The following ZNF704 variants were observed in gnomAD, a reference collection of about 807,000 sequenced individuals.
ZNF704 encodes the protein glucocorticoid induced gene 1.
A neutral mutation model predicts 44.7 loss-of-function variants in ZNF704; 10 were observed. That is an observed-to-expected ratio of 0.22 (90% CI 0.14 to 0.38). ZNF704 has a LOEUF of 0.38. Ranked by LOEUF, ZNF704 falls within the 10% of genes least tolerant of loss-of-function variation. The probability of loss-of-function intolerance (pLI) is 1.00; values close to 1 mark genes in which losing one functional copy is unlikely to be tolerated. For missense variants in ZNF704, 390 were observed against 545.5 expected, an observed-to-expected ratio of 0.71 and a Z score of 2.84; for synonymous variants, 211 against 207.6, an observed-to-expected ratio of 1.02 and a Z score of -0.14.
intron 2 of ZNF704, among the ~76,000 whole-genome samples, chr8:80,721,046 C>T (rs533484761): frequency 2.6e-5 from 4 of 152,176 alleles, no homozygotes; most frequent in Non-Finnish European, 4.4e-5. Flanking sequence ...CTTATCTCAC[C>T]GTACTTTGAT....
chr8:80,687,033 G>GTC (rs1332292489), intron 4 of ZNF704, among the ~76,000 whole-genome samples, 193 bp downstream of exon 4: 1 of 152,164 alleles, frequency 6.6e-6, no homozygotes, highest in Non-Finnish European at 1.5e-5. Context: ...AAACTTACCA[G>GTC]TATTTGTCAT....
intron 2 of ZNF704, 29 bp downstream of exon 2, chr8:80,821,345 G>T: frequency 6.2e-7 from 1 of 1,604,452 alleles, no homozygotes; most frequent in Non-Finnish European, 8.5e-7. Flanking sequence ...TCCTGGGGCA[G>T]ACACATGTGA....
intron 4 of ZNF704, among the ~76,000 whole-genome samples, chr8:80,680,741 C>T (rs1298047574): frequency 1.3e-5 from 2 of 152,106 alleles, no homozygotes; most frequent in Non-Finnish European, 2.9e-5. Flanking sequence ...TACATGTTGC[C>T]TTACCTTTTG....
chr8:80,854,524 A>G (rs1487433313), intron 1 of ZNF704, among the ~76,000 whole-genome samples: 1 of 152,240 alleles, frequency 6.6e-6, no homozygotes, highest in Admixed American at 6.5e-5. Context: ...AAGACTTGTA[A>G]GATAGCAACA....
intron 2 of ZNF704, among the ~76,000 whole-genome samples, chr8:80,753,626 C>A (rs1806985654): frequency 6.6e-6 from 1 of 152,108 alleles, no homozygotes; most frequent in Non-Finnish European, 1.5e-5. Context: ...TTTTCCCCTT[C>A]CAATTCTAAC....
At chr8:80,857,198 T>G (rs552552182) in intron 1 of ZNF704, among the ~76,000 whole-genome samples, 19 of 152,312 alleles carry the variant, frequency 1.2e-4, no homozygotes, top group African/African-American at 4.1e-4. Flanking sequence ...ATTTTCTTTT[T>G]TCCTAATATT....
intron 1 of ZNF704, among the ~76,000 whole-genome samples, chr8:80,864,250 T>C (rs879458544): frequency 2.6e-5 from 4 of 152,198 alleles, no homozygotes; most frequent in Non-Finnish European, 5.9e-5. Flanking sequence ...ATTTCTTTAA[T>C]TATGCAGTTT....
At chr8:80,678,043 C>T (rs1364878602) in intron 4 of ZNF704, among the ~76,000 whole-genome samples, 1 of 152,184 alleles carries the variant, frequency 6.6e-6, no homozygotes, top group Non-Finnish European at 1.5e-5. Flanking sequence ...GTACATTTCT[C>T]TTCCAATCTT....
chr8:80,795,902 T>C (rs1272690560), intron 2 of ZNF704, among the ~76,000 whole-genome samples: 3 of 152,182 alleles, frequency 2.0e-5, no homozygotes, highest in Non-Finnish European at 4.4e-5. Flanking sequence ...AATTAGCCCT[T>C]AGACATTTCC....
chr8:80,807,026 G>A (rs530927712), intron 2 of ZNF704, among the ~76,000 whole-genome samples: 2 of 152,306 alleles, frequency 1.3e-5, no homozygotes, highest in Admixed American at 6.5e-5. Flanking sequence ...AACTAGTGTG[G>A]TTTCATTTTT....
At chr8:80,768,944 CAT>C (rs1365906113) in intron 2 of ZNF704, among the ~76,000 whole-genome samples, 1 of 152,128 alleles carries the variant, frequency 6.6e-6, no homozygotes, top group Admixed American at 6.5e-5. Flanking sequence ...TGAAATCTAA[CAT>C]ATCACAAGCT....
At chr8:80,855,644 T>C (rs532883201) in intron 1 of ZNF704, among the ~76,000 whole-genome samples, 5 of 152,318 alleles carry the variant, frequency 3.3e-5, no homozygotes, top group Admixed American at 3.3e-4. Flanking sequence ...AGGTGGATGA[T>C]GAGAGATTAC....
chr8:80,807,172 T>C (rs1012361507), intron 2 of ZNF704, among the ~76,000 whole-genome samples: 1 of 152,188 alleles, frequency 6.6e-6, no homozygotes, highest in African/African-American at 2.4e-5. Context: ...TGACTCAATA[T>C]AGACAATTCT....
At chr8:80,822,009 A>C (rs189080544) in intron 1 of ZNF704, among the ~76,000 whole-genome samples, 210 of 152,312 alleles carry the variant, frequency 1.4e-3, no homozygotes, top group African/African-American at 4.7e-3. Flanking sequence ...CTAATGTATA[A>C]AATCTAACTT....
chr8:80,771,097 A>G (rs1807311992), intron 2 of ZNF704, among the ~76,000 whole-genome samples: 1 of 152,200 alleles, frequency 6.6e-6, no homozygotes, highest in Admixed American at 6.5e-5. Flanking sequence ...CTCCACAAAT[A>G]GCACACAGTC....
chr8:80,703,484 T>C (rs1053715599), intron 2 of ZNF704, among the ~76,000 whole-genome samples: 1 of 152,132 alleles, frequency 6.6e-6, no homozygotes, highest in Admixed American at 6.5e-5. Context: ...AGTTTTGTTT[T>C]TGTTTGTTGA....
chr8:80,698,850 T>C (rs1818766362), intron 2 of ZNF704, among the ~76,000 whole-genome samples: 1 of 152,212 alleles, frequency 6.6e-6, no homozygotes, highest in African/African-American at 2.4e-5. Flanking sequence ...AGCTATTGTT[T>C]GTGCCGCAAG....
Position 80,633,222 on chromosome 8 carries a change from A to T in ZNF704, c.*8144T>A, listed in dbSNP as rs1817614920. 1 of 152,164 alleles carries T rather than the reference A, an allele frequency of 6.6e-6. No homozygotes were observed. Among genetic ancestry groups the T allele is most frequent in the Admixed American group, 6.5e-5 (1 of 15,280 alleles). 9.4% of individuals were successfully genotyped at this position (152,164 alleles called of 1,614,324 possible). A position where few individuals can be genotyped will look rare whatever the true frequency, so the allele number is the denominator to read the frequency against. On this transcript the variant is annotated 3_prime_UTR_variant, in exon 9 of 9. Transcript: ENST00000327835. ...TTGATCATTACAGATTATAAATTTG[A>T]GCTGGTTTTAAAATTTCTGGCATTG...
intron 2 of ZNF704, among the ~76,000 whole-genome samples, chr8:80,773,225 G>C (rs1456718444): frequency 6.6e-6 from 1 of 152,064 alleles, no homozygotes; most frequent in South Asian, 2.1e-4. Context: ...CCTTCCTGTG[G>C]ATTAAACACT....
Sources: gnomAD v4.1 joint callset for allele counts (sites outside exome capture counted in the v4.1 genomes callset) on GRCh38, gnomAD v4.1.1 for gene constraint, MANE v1.5 for transcripts, NCBI Gene and HGNC (gene_info 2026-07-23, HGNC 2026-07-21) for gene names.